FLI1: variants seen among roughly 807,000 people sequenced by gnomAD.
FLI1 encodes Friend leukemia integration 1 transcription factor.
Under a neutral mutation model 53.1 loss-of-function variants are expected in FLI1, and 13 were observed. The ratio of observed to expected loss-of-function variants is 0.24; its 90% CI spans 0.16 to 0.39. The LOEUF (loss-of-function observed/expected upper bound fraction) is 0.39. Ranked by LOEUF, FLI1 falls within the 10% of genes least tolerant of loss-of-function variation. The pLI is 1.00. For missense variants in FLI1, 424 were observed against 600.5 expected (o/e 0.71, Z 3.07); for synonymous variants, 244 against 236.7 (o/e 1.03, Z -0.28).
rs776142665 is a variant in FLI1 at position 128,768,221 on chromosome 11, C to A, written c.334C>A (p.Pro112Thr). 5 of 1,613,742 alleles carry A rather than the reference C, an allele frequency of 3.1e-6. No individual in the cohort carries two copies. Among genetic ancestry groups the A allele is most frequent in the Non-Finnish European group, 4.2e-6 (5 of 1,179,858 alleles). The change falls in exon 3 of 9, where the codon CCC becomes ACC. Residue 112 changes from proline to threonine, a missense_variant. Pro to Thr is a conservative substitution (Grantham distance 38, BLOSUM62 -1). Around this residue, in one of 5 missense-constraint regions of FLI1, gnomAD observed 137 missense variants for 169.1 expected, o/e 0.81. Coordinates refer to ENST00000527786, the MANE Select transcript of FLI1 (RefSeq NM_002017.5). ...CAGCTATATGGACGAGAAGAATGGC[C>A]CCCCTCCTCCCAACATGACCACCAA... ...YNSYMDEKNG[P>T]PPPNMTTNER...
intron 1 of FLI1, among the ~76,000 whole-genome samples, chr11:128,743,405 TAAAAAAAAAA>T (rs373125181): frequency 3.3e-5 from 3 of 91,574 alleles, no homozygotes; most frequent in South Asian, 3.7e-4. Flanking sequence ...ACCATGTCTC[TAAAAAAAAAA>T]AAAAAAAAAA....
Position 128,810,985 on chromosome 11 carries a change from C to G in FLI1, c.1356C>G (p.Tyr452Ter). 6.2e-7 allele frequency: 1 copy of G among 1,613,984 alleles called. No homozygotes were observed. Among genetic ancestry groups the G allele is most frequent in the Non-Finnish European group, 8.5e-7 (1 of 1,179,836 alleles). Residue 452 changes from tyrosine to a stop codon, truncating the protein, a stop_gained, in exon 9 of 9, where the codon TAC (tyrosine) becomes TAG (stop). Coordinates refer to ENST00000527786, the MANE Select transcript of FLI1 (RefSeq NM_002017.5). LOFTEE classifies it high-confidence loss of function. The surrounding 1 kb of genome is among the most constrained non-coding windows in gnomAD (Gnocchi z 6.6). ...TGCCTTCACACTTAGGCAGCTACTA[C>G]TAGAAGCTTACTCATCAGTGGCCTT... ...THVPSHLGSY[Y>*]
intron 1 of FLI1, among the ~76,000 whole-genome samples, chr11:128,722,079 T>C (rs766612263): frequency 6.6e-6 from 1 of 152,150 alleles, no homozygotes; most frequent in Non-Finnish European, 1.5e-5. Flanking sequence ...GAAACCTCCA[T>C]CACGTTTCTG....
At chr11:128,723,524 A>G (rs1219366628) in intron 1 of FLI1, among the ~76,000 whole-genome samples, 1 of 152,194 alleles carries the variant, frequency 6.6e-6, no homozygotes, top group Non-Finnish European at 1.5e-5. Flanking sequence ...AAAGAGGTGC[A>G]TTCCTGCTGC....
rs1339845330 is a variant in FLI1 at position 128,811,376 on chromosome 11, T to C, written c.*388T>C. ...CGGGGTTCAGTATGACACAGAATCA[T>C]GGACTTAACCCGTCATGTTCTGGTT... On this transcript the variant is annotated 3_prime_UTR_variant, in exon 9 of 9. Transcript: ENST00000527786. 6.7e-6 allele frequency: 2 copies of C among 299,846 alleles called. No homozygotes were observed. Among genetic ancestry groups the C allele is most frequent in the Non-Finnish European group, 1.2e-5 (2 of 160,482 alleles). The allele number at this position is 299,846 out of a possible 1,614,324, so 18.6% of individuals were successfully genotyped here. A position where few individuals can be genotyped will look rare whatever the true frequency, so the allele number is the denominator to read the frequency against.
At chr11:128,803,143 A>AT (rs1336481188) in intron 5 of FLI1, among the ~76,000 whole-genome samples, 6 of 152,086 alleles carry the variant, frequency 3.9e-5, no homozygotes, top group African/African-American at 1.4e-4. Context: ...GAATTTAGTG[A>AT]TTTTTTGTTT....
intron 5 of FLI1, among the ~76,000 whole-genome samples, chr11:128,783,844 C>A (rs1044202727): frequency 6.6e-6 from 1 of 151,480 alleles, no homozygotes; most frequent in Non-Finnish European, 1.5e-5. Context: ...GTTCTACATA[C>A]TGAGTTTTAT....
chr11:128,756,467 T>C (rs927624864), intron 1 of FLI1, among the ~76,000 whole-genome samples: 2 of 152,198 alleles, frequency 1.3e-5, no homozygotes, highest in African/African-American at 4.8e-5. Flanking sequence ...TATCTCCAAA[T>C]ACAATCACAT....
intron 7 of FLI1, 94 bp downstream of exon 7, chr11:128,807,333 A>G: frequency 2.6e-6 from 2 of 762,264 alleles, no homozygotes; most frequent in Non-Finnish European, 2.0e-6. Context: ...AATATACCAC[A>G]TATGTTTTCT....
intron 4 of FLI1, among the ~76,000 whole-genome samples, chr11:128,778,572 C>T (rs1306456359): frequency 6.6e-6 from 1 of 152,202 alleles, no homozygotes; most frequent in East Asian, 1.9e-4. Flanking sequence ...AGTGTTGCTC[C>T]TTTCATCTGT....
At chr11:128,751,405 G>A (rs537395776) in intron 1 of FLI1, among the ~76,000 whole-genome samples, 2 of 151,428 alleles carry the variant, frequency 1.3e-5, no homozygotes, top group South Asian at 4.2e-4. Flanking sequence ...GCCCAGGATG[G>A]ATGGTATGAT....
rs74400777 is a variant in FLI1 at position 128,764,865 on chromosome 11, C to T, written c.231-3253C>T. 0.16 allele frequency: 246,366 copies of T among 1,576,438 alleles called. 20,459 individuals carry two copies. The highest frequency in any genetic ancestry group is 0.18 in the Middle Eastern group (807 of 4,388). Reference sequence around the variant, plus strand: ...CTCTCCCTGAGCAGTGGGAGGAGGGCCAGCTGGGCAAGTGTGGGGAACCAG... The same window carrying T: ...CTCTCCCTGAGCAGTGGGAGGAGGGTCAGCTGGGCAAGTGTGGGGAACCAG... On this transcript the variant is annotated intron_variant, in intron 2 of 8. Coordinates refer to ENST00000527786, the MANE Select transcript of FLI1 (RefSeq NM_002017.5).
At chr11:128,686,492 C>T (rs781241551), upstream of FLI1, 3 of 456,482 alleles carry the variant, frequency 6.6e-6, no homozygotes, top group South Asian at 4.6e-5. Flanking sequence ...CCACTCGGAC[C>T]CTCCCTCGCC....
At chr11:128,734,408 A>G (rs1441783606) in intron 1 of FLI1, among the ~76,000 whole-genome samples, 1 of 152,242 alleles carries the variant, frequency 6.6e-6, no homozygotes, top group Non-Finnish European at 1.5e-5. Context: ...AGCATGTCTA[A>G]GGTTGGGTTT....
chr11:128,786,767 C>A (rs1343069994), intron 5 of FLI1, among the ~76,000 whole-genome samples: 2 of 152,234 alleles, frequency 1.3e-5, no homozygotes, highest in Non-Finnish European at 2.9e-5. Context: ...AGCTTCTTTG[C>A]ATGCCTAAGC....
At chr11:128,689,177 G>T (rs1666616129), upstream of FLI1, among the ~76,000 whole-genome samples, 2 of 151,330 alleles carry the variant, frequency 1.3e-5, no homozygotes, top group African/African-American at 2.4e-5. Context: ...TCAAACCTAG[G>T]TGCGCTAGTC....
chr11:128,687,253 C>A (rs1186249799), intron 1 of FLI1, among the ~76,000 whole-genome samples: 1 of 151,914 alleles, frequency 6.6e-6, no homozygotes, highest in Non-Finnish European at 1.5e-5. Context: ...TTTGACAGCA[C>A]ATCGAAGGGT....
Position 128,810,436 on chromosome 11 carries a change from C to T in FLI1, c.830-23C>T, listed in dbSNP as rs1307734924. On this transcript the variant is annotated intron_variant, in intron 8 of 8. Coordinates refer to ENST00000527786, the MANE Select transcript of FLI1 (RefSeq NM_002017.5). This position sits in a 1 kb window ranked among gnomAD's most constrained non-coding sequence, Gnocchi z 6.6. ...TCTGGGCTGAGGTGTTCTGTTCTCT[C>T]CCGTTTGCCTCACGGCGTGCAGGAA... The T allele has an allele frequency of 1.9e-6, 3 of 1,572,116 alleles. No homozygotes were observed. The highest frequency in any genetic ancestry group is 1.4e-5 in the African/African-American group (1 of 73,898).
intron 1 of FLI1, among the ~76,000 whole-genome samples, chr11:128,739,558 A>G (rs533140011): frequency 1.7e-4 from 26 of 152,064 alleles, no homozygotes; most frequent in African/African-American, 6.0e-4. Context: ...ACTACTCTCC[A>G]TTCCCAAGGA....
Sources: gnomAD v4.1 joint callset for allele counts (sites outside exome capture counted in the v4.1 genomes callset) on GRCh38, gnomAD v4.1.1 for gene constraint, gnomAD v4.1.1 regional missense constraint, Gnocchi (gnomAD v3.1) non-coding constraint, MANE v1.5 for transcripts, NCBI Gene and HGNC (gene_info 2026-07-23, HGNC 2026-07-21) for gene names.